AFDN: variants seen among roughly 807,000 people sequenced by gnomAD.
AFDN encodes afadin, adherens junction formation factor.
AFDN carries 68 observed loss-of-function variants against 216.6 expected under a neutral mutation model. The observed-to-expected ratio is 0.31, with a 90% confidence interval of 0.26 to 0.38. The LOEUF is 0.38. AFDN is among the 10% of genes least tolerant of loss of function. The pLI is 1.00. For synonymous variants in AFDN, 868 were observed against 853.7 expected, an observed-to-expected ratio of 1.02 and a Z score of -0.29; for missense variants, 2,136 against 2,342.0, an observed-to-expected ratio of 0.91 and a Z score of 1.82.
Position 167,948,301 on chromosome 6 carries a change from G to A in AFDN, c.3654G>A (p.Thr1218=), listed in dbSNP as rs144312007. The part of the protein sequence containing the change: ...STGNLCTEEQ[T]PPPRPEAYPI... ...TTCTTCACATTTTACAGGAGCAGAC[G>A]CCTCCGCCTAGACCTGAAGCCTACC... Residue 1218 remains threonine, a synonymous_variant, in exon 29 of 34, where the codon ACG becomes ACA. Coordinates refer to ENST00000683244, the MANE Select transcript of AFDN (RefSeq NM_001386888.1). 3,213 of 1,606,634 alleles carry A rather than the reference G, an allele frequency of 2.0e-3. 109 individuals carry two copies. The Admixed American group carries it at 0.053, about 26-fold the overall frequency.
At position 167,943,183 on chromosome 6, in the gene AFDN, G is replaced by A; in HGVS notation, c.3154G>A (p.Ala1052Thr). The part of the protein sequence containing the change: ...IYVKSVVKGG[A>T]ADVDGRLAAG... ...TGTGAAGTCGGTTGTGAAAGGAGGTGCTGCAGATGTGGTCAGTATCATTTT... is the reference window on the plus strand; with the variant it reads ...TGTGAAGTCGGTTGTGAAAGGAGGTACTGCAGATGTGGTCAGTATCATTTT... The change falls in exon 24 of 34, where the codon GCT (alanine) becomes ACT (threonine). Residue 1052 changes from alanine (A) to threonine (T), a missense_variant. Ala to Thr is a moderately conservative substitution (Grantham distance 58). Around this residue, in one of 8 missense-constraint regions of AFDN, gnomAD observed 74 missense variants for 98.8 expected, o/e 0.75. Coordinates refer to ENST00000683244, the MANE Select transcript of AFDN (RefSeq NM_001386888.1). The A allele has an allele frequency of 6.2e-7, 1 of 1,613,648 alleles. No individual in the cohort carries two copies. Among genetic ancestry groups the A allele is most frequent in the South Asian group, 1.1e-5 (1 of 90,994 alleles).
At chr6:167,862,884 T>A (rs904843278) in intron 1 of AFDN, among the ~76,000 whole-genome samples, 1 of 152,218 alleles carries the variant, frequency 6.6e-6, no homozygotes, top group Non-Finnish European at 1.5e-5. Context: ...ATGGCCCTCC[T>A]TTACTCCAGA....
At chr6:167,968,662 T>C in intron 32 of AFDN, 1 of 166,622 alleles carries the variant, frequency 6.0e-6, no homozygotes. Flanking sequence ...ATTTTAACAA[T>C]ATAACATTGA....
chr6:167,920,717 C>A (rs1326749530), intron 21 of AFDN, among the ~76,000 whole-genome samples: 1 of 152,192 alleles, frequency 6.6e-6, no homozygotes, highest in African/African-American at 2.4e-5. Context: ...GAAATACGCA[C>A]ACTATAGATG....
Position 167,875,502 on chromosome 6 carries a change from C to T in AFDN, c.739+7C>T. ...GATGGGCGGCCTGATTCAGGTACAA[C>T]TTGGTATTTTTTCTCTGTTCTACCT... On this transcript the variant is annotated splice_region_variant and intron_variant, in intron 5 of 33. Transcript: ENST00000683244. The T allele has an allele frequency of 6.2e-7, 1 of 1,612,762 alleles. No individual in the cohort carries two copies. The highest frequency in any genetic ancestry group is 8.5e-7 in the Non-Finnish European group (1 of 1,179,404).
At position 167,947,866 on chromosome 6, in the gene AFDN, T is replaced by G; in HGVS notation, c.3567T>G (p.Ser1189Arg). 1.2e-6 allele frequency: 2 copies of G among 1,612,566 alleles called. 1 individual carries two copies. The highest frequency in any genetic ancestry group is 4.5e-5 in the East Asian group (2 of 44,858). Residue 1189 changes from serine to arginine, a missense_variant, in exon 28 of 34, where the codon AGT becomes AGG. Ser to Arg is a moderately radical substitution (Grantham distance 110). Around this residue, in one of 8 missense-constraint regions of AFDN, gnomAD observed 981 missense variants for 966.0 expected, o/e 1.02. Transcript: ENST00000683244. The stretch of plus-strand genomic sequence containing the variant: ...TGACTTGAGCAGATCAGCCTCCTAG[T>G]CCTGGAGGGAAAAGTGCATATGCCT... ...SSPNVANQPP[S>R]PGGKSAYASG...
Position 167,907,224 on chromosome 6 carries a change from G to A in AFDN, c.1704G>A (p.Glu568=). ...DRVSSASSTA[E]RGMVKPMIRV... ...TGTCGTCTGCCTCTAGCACAGCCGAGCGGGGAATGGTGAAGCCGATGATCA... is the reference window on the plus strand; with the variant it reads ...TGTCGTCTGCCTCTAGCACAGCCGAACGGGGAATGGTGAAGCCGATGATCA... Residue 568 remains glutamate, a synonymous_variant, in exon 13 of 34, where the codon GAG becomes GAA. Transcript: ENST00000683244. The A allele has an allele frequency of 6.2e-7, 1 of 1,614,218 alleles. No homozygotes were observed. Among genetic ancestry groups the A allele is most frequent in the Non-Finnish European group, 8.5e-7 (1 of 1,180,028 alleles).
intron 1 of AFDN, among the ~76,000 whole-genome samples, chr6:167,864,075 G>T (rs945325659): frequency 2.0e-5 from 3 of 152,126 alleles, no homozygotes; most frequent in Admixed American, 6.5e-5. Flanking sequence ...AGCTGGAAAG[G>T]GACCTCACGG....
intron 4 of AFDN, 37 bp from the exon 5 acceptor site, chr6:167,875,298 G>A (rs1245541877): frequency 6.3e-7 from 1 of 1,583,014 alleles, no homozygotes; most frequent in Admixed American, 1.8e-5. Context: ...TAAGAAAACA[G>A]TGTTTAAAAT....
At chr6:167,887,843 T>C (rs1040385666) in intron 6 of AFDN, among the ~76,000 whole-genome samples, 4 of 152,168 alleles carry the variant, frequency 2.6e-5, no homozygotes. Flanking sequence ...ATTTTCTCCT[T>C]GTTAGATATT....
In AFDN at chr6:167,911,386, T is replaced by C. The variant is rs754471752; in HGVS notation, c.1934T>C (p.Val645Ala). Reference protein sequence around the residue: ...TYVLYMACRYVLSNQYRPDIS... With the variant: ...TYVLYMACRYALSNQYRPDIS... ...GTATTATATATGGCATGCCGGTATGTATTGTCCAACCAGTACAGACCTGAC... is the reference window on the plus strand; with the variant it reads ...GTATTATATATGGCATGCCGGTATGCATTGTCCAACCAGTACAGACCTGAC... Residue 645 changes from valine to alanine, a missense_variant, in exon 15 of 34, where the codon GTA becomes GCA. By Grantham distance (64) the Val-to-Ala change is moderately conservative. Coordinates refer to ENST00000683244, the MANE Select transcript of AFDN (RefSeq NM_001386888.1). The C allele has an allele frequency of 1.2e-6, 2 of 1,614,136 alleles. No homozygotes were observed. Among genetic ancestry groups the C allele is most frequent in the Admixed American group, 3.3e-5 (2 of 60,016 alleles).
At chr6:167,866,367 C>T (rs546614332) in intron 2 of AFDN, among the ~76,000 whole-genome samples, 99 of 152,210 alleles carry the variant, frequency 6.5e-4, no homozygotes, top group African/African-American at 2.2e-3. Context: ...ATGAGGAAAG[C>T]CCTAGCATGC....
At chr6:167,896,996 G>A (rs754965873) in intron 10 of AFDN, 24 bp downstream of exon 10, 6 of 1,391,586 alleles carry the variant, frequency 4.3e-6, no homozygotes, top group Non-Finnish European at 4.1e-6. Flanking sequence ...GCTTCCTGCT[G>A]CAACTCTGAC....
intron 26 of AFDN, among the ~76,000 whole-genome samples, chr6:167,945,443 A>G (rs909865201): frequency 1.3e-5 from 2 of 152,210 alleles, no homozygotes; most frequent in Non-Finnish European, 2.9e-5. Flanking sequence ...TAAAATAACA[A>G]TAAAAAATAT....
intron 1 of AFDN, among the ~76,000 whole-genome samples, chr6:167,853,312 CAT>C (rs1782522693): frequency 3.9e-5 from 6 of 152,020 alleles, no homozygotes. Context: ...ATTATTACAA[CAT>C]ATTGCCAGTA....
intron 8 of AFDN, among the ~76,000 whole-genome samples, chr6:167,891,266 C>T (rs1044629782): frequency 2.0e-5 from 3 of 151,998 alleles, no homozygotes; most frequent in African/African-American, 4.8e-5. Flanking sequence ...GATGAGTATT[C>T]AGAAACCAAA....
intron 13 of AFDN, 100 bp downstream of exon 13, chr6:167,907,389 GT>G: frequency 2.3e-6 from 2 of 862,930 alleles, no homozygotes; most frequent in Non-Finnish European, 3.7e-6. Flanking sequence ...CAGCTGACAT[GT>G]TTACAATGTT....
intron 19 of AFDN, among the ~76,000 whole-genome samples, chr6:167,916,168 G>A (rs981140834): frequency 1.3e-5 from 2 of 152,320 alleles, no homozygotes; most frequent in South Asian, 4.1e-4. Flanking sequence ...TCTTTGGCCT[G>A]TAGATGCATC....
At position 167,917,119 on chromosome 6, in the gene AFDN, G is replaced by A; in HGVS notation, c.2596G>A (p.Ala866Thr). The change falls in exon 20 of 34, where the codon GCA becomes ACA. Residue 866 changes from alanine (A) to threonine (T), a missense_variant. Ala to Thr is a moderately conservative substitution (Grantham distance 58). Transcript: ENST00000683244. ...GACTTTGCTTACCATGGATAAGTAT[G>A]CACCTGATGACATTCCAAATATAAA... ...ATTLLTMDKYAPDDIPNINST... is the reference protein window; with the variant it reads ...ATTLLTMDKYTPDDIPNINST... 6.2e-7 allele frequency: 1 copy of A among 1,613,120 alleles called. No homozygotes were observed. Among genetic ancestry groups the A allele is most frequent in the Non-Finnish European group, 8.5e-7 (1 of 1,179,640 alleles).
Sources: allele counts gnomAD v4.1 joint callset (sites outside exome capture counted in the v4.1 genomes callset), GRCh38; gene constraint gnomAD v4.1.1; regional missense constraint gnomAD v4.1.1; transcripts MANE v1.5; gene names NCBI Gene and HGNC (gene_info 2026-07-23, HGNC 2026-07-21).